The following HDAC9 variants were observed in gnomAD, a reference collection of about 807,000 sequenced individuals.
HDAC9 encodes the protein MEF-2 interacting transcription repressor (MITR) protein.
HDAC9 carries 41 observed loss-of-function variants against 139.4 expected under a neutral mutation model. That is an observed-to-expected ratio of 0.29 (90% CI 0.23 to 0.38). The LOEUF (loss-of-function observed/expected upper bound fraction) is 0.38, where lower values mean the gene tolerates loss of function less well. Ranked by LOEUF, HDAC9 falls within the 10% of genes least tolerant of loss-of-function variation. HDAC9 has a pLI of 1.00. For synonymous variants in HDAC9, 517 were observed against 476.2 expected, an observed-to-expected ratio of 1.09 and a Z score of -1.12; for missense variants, 1,147 against 1,297.0, an observed-to-expected ratio of 0.88 and a Z score of 1.78.
intron 2 of HDAC9, among the ~76,000 whole-genome samples, chr7:18,513,384 A>G (rs1238927357): frequency 6.6e-6 from 1 of 152,238 alleles, no homozygotes; most frequent in Non-Finnish European, 1.5e-5. Context: ...AGAGGTGATA[A>G]TTTAGTCAAA....
At chr7:18,248,261 T>C (rs980346109) in intron 2 of HDAC9, among the ~76,000 whole-genome samples, 10 of 152,236 alleles carry the variant, frequency 6.6e-5, no homozygotes, top group Non-Finnish European at 1.0e-4. Context: ...CAAATAGGGT[T>C]CTAAAGTTGT....
At chr7:18,909,746 TG>T (rs1325769334) in intron 22 of HDAC9, among the ~76,000 whole-genome samples, 1 of 152,068 alleles carries the variant, frequency 6.6e-6, no homozygotes, top group Non-Finnish European at 1.5e-5. Flanking sequence ...TTGCTACTTT[TG>T]TCAGAAATCA....
rs183034001 is a variant in HDAC9, at chr7:18,161,434, G to A, written c.-96-795G>A. ...GTTACAACATCTGTCTATAAAAATA[G>A]TGCAATTGGGATATACTATTTTAGT... is the stretch of plus-strand genomic sequence containing the variant. On this transcript the variant is annotated intron_variant, in intron 1 of 12. Transcript: ENST00000417496. Among the ~76,000 whole-genome samples the A allele has an allele frequency of 4.2e-3, 640 of 152,292 alleles. 1 individual carries two copies. Among genetic ancestry groups the A allele is most frequent in the Non-Finnish European group, 6.6e-3 (452 of 68,010 alleles).
At chr7:18,728,228 C>A (rs1434538720) in intron 13 of HDAC9, among the ~76,000 whole-genome samples, 1 of 152,136 alleles carries the variant, frequency 6.6e-6, no homozygotes, top group Non-Finnish European at 1.5e-5. Context: ...AGTACCAAAG[C>A]AAACTTCACT....
chr7:18,643,938 T>A (rs1786535180), intron 8 of HDAC9, among the ~76,000 whole-genome samples: 1 of 152,006 alleles, frequency 6.6e-6, no homozygotes, highest in African/African-American at 2.4e-5. Flanking sequence ...ACAGAAAATG[T>A]AATTCAAGCA....
At chr7:18,902,286 G>C (rs1405454891) in intron 22 of HDAC9, among the ~76,000 whole-genome samples, 2 of 152,112 alleles carry the variant, frequency 1.3e-5, no homozygotes, top group African/African-American at 4.8e-5. Flanking sequence ...CTCACTCCTG[G>C]GGCTGTTTAG....
At chr7:18,632,982 A>C (rs1193071683) in intron 7 of HDAC9, among the ~76,000 whole-genome samples, 1 of 152,070 alleles carries the variant, frequency 6.6e-6, no homozygotes, top group Admixed American at 6.6e-5. Flanking sequence ...AGTTTTACAC[A>C]TATGTAGGGG....
intron 8 of HDAC9, among the ~76,000 whole-genome samples, chr7:18,636,910 T>C (rs1323220631): frequency 6.6e-6 from 1 of 152,060 alleles, no homozygotes; most frequent in Non-Finnish European, 1.5e-5. Flanking sequence ...ATTGTTGTTA[T>C]CTCTCAGTAT....
chr7:18,454,420 T>C (rs213266), intron 1 of HDAC9, among the ~76,000 whole-genome samples: 4,716 of 152,128 alleles, frequency 0.031, 252 homozygotes, highest in African/African-American at 0.11. Context: ...AGTACTGTCT[T>C]CACTTCCTAT....
intron 6 of HDAC9, among the ~76,000 whole-genome samples, chr7:18,620,921 A>T (rs1051436822): frequency 1.3e-5 from 2 of 152,190 alleles, no homozygotes; most frequent in African/African-American, 4.8e-5. Context: ...TTACATTGAT[A>T]GAAGGAAATA....
intron 6 of HDAC9, among the ~76,000 whole-genome samples, chr7:18,597,765 T>C (rs1216929102): frequency 6.6e-6 from 1 of 152,178 alleles, no homozygotes; most frequent in Non-Finnish European, 1.5e-5. Context: ...AGTCTTTCCA[T>C]TTAATACTTC....
chr7:18,450,741 G>A (rs1281787650), intron 1 of HDAC9, among the ~76,000 whole-genome samples: 4 of 152,106 alleles, frequency 2.6e-5, no homozygotes. Flanking sequence ...TATTGCTAAT[G>A]CCAAACTTTT....
intron 22 of HDAC9, among the ~76,000 whole-genome samples, chr7:18,934,584 C>T (rs1781491242): frequency 6.6e-6 from 1 of 152,090 alleles, no homozygotes; most frequent in South Asian, 2.1e-4. Flanking sequence ...AATGAAATCT[C>T]TAAGTTAAAT....
intron 2 of HDAC9, among the ~76,000 whole-genome samples, chr7:18,537,368 T>A (rs182589202): frequency 6.6e-6 from 1 of 152,126 alleles, no homozygotes; most frequent in African/African-American, 2.4e-5. Flanking sequence ...GAGGAGCCAA[T>A]AGACTTGAAA....
intron 2 of HDAC9, among the ~76,000 whole-genome samples, chr7:18,237,398 C>G (rs1793894891): frequency 6.6e-6 from 1 of 152,072 alleles, no homozygotes; most frequent in Admixed American, 6.5e-5. Context: ...AGGAAAATCA[C>G]TTTGAGTGGA....
rs73683575 is a variant in HDAC9 at position 18,848,457 on chromosome 7, A to G, written c.2684+12460A>G. ...CTTGAGGGTAGGTGCCCTTATGAGC[A>G]GTGACACCAGAGAGCTTGCTTCCTT... On this transcript the variant is annotated intron_variant, in intron 21 of 25. Coordinates refer to ENST00000686413, the MANE Select transcript of HDAC9 (RefSeq NM_178425.4). 6.4e-3 allele frequency among the ~76,000 whole-genome samples: 980 copies of G among 152,032 alleles called. 12 individuals are homozygous for G. The highest frequency in any genetic ancestry group is 0.022 in the African/African-American group (932 of 41,458).
intron 22 of HDAC9, among the ~76,000 whole-genome samples, chr7:18,908,319 A>G (rs1244306663): frequency 3.9e-5 from 6 of 152,126 alleles, no homozygotes; most frequent in African/African-American, 9.7e-5. Flanking sequence ...TACAGTGTGT[A>G]ATGATTAAAT....
chr7:18,916,223 C>T (rs1803197249), intron 22 of HDAC9, among the ~76,000 whole-genome samples: 1 of 151,958 alleles, frequency 6.6e-6, no homozygotes, highest in African/African-American at 2.4e-5. Flanking sequence ...AGAAATTTGG[C>T]AGCCATTTCT....
At chr7:18,495,724 G>T, upstream of HDAC9, 1 of 987,820 alleles carries the variant, frequency 1.0e-6, no homozygotes. Flanking sequence ...TAGCCAACTT[G>T]AGCTGAGAGA....
Sources: gnomAD v4.1 joint callset for allele counts (sites outside exome capture counted in the v4.1 genomes callset) on GRCh38, gnomAD v4.1.1 for gene constraint, MANE v1.5 for transcripts, NCBI Gene and HGNC (gene_info 2026-07-23, HGNC 2026-07-21) for gene names.